The following NOD1 variants were observed in gnomAD, a reference collection of about 807,000 sequenced individuals.
NOD1 encodes the protein nucleotide binding oligomerization domain containing 1.
NOD1 carries 70 observed loss-of-function variants against 81.2 expected under a neutral mutation model. The observed-to-expected ratio is 0.86, with a 90% CI of 0.71 to 1.05. NOD1 has a LOEUF of 1.05. Ranked by LOEUF, NOD1 falls within the 50% of genes least tolerant of loss-of-function variation. NOD1 has a pLI of 0.00. For synonymous variants in NOD1, 508 were observed against 526.9 expected, an observed-to-expected ratio of 0.96 and a Z score of 0.49; for missense variants, 1,233 against 1,228.0, an observed-to-expected ratio of 1.00 and a Z score of -0.06.
chr7:30,438,946 TAAAA>T (rs1466405709), intron 9 of NOD1, among the ~76,000 whole-genome samples: 1 of 152,176 alleles, frequency 6.6e-6, no homozygotes, highest in East Asian at 1.9e-4. Context: ...AGTTTCCAAA[TAAAA>T]TTACCTGTGT....
At chr7:30,431,287 T>G (rs775098951) in intron 12 of NOD1, among the ~76,000 whole-genome samples, 4 of 152,206 alleles carry the variant, frequency 2.6e-5, no homozygotes, top group Non-Finnish European at 4.4e-5. Context: ...AGTCTAGTCT[T>G]TTTGCAGAAA....
intron 6 of NOD1, among the ~76,000 whole-genome samples, chr7:30,449,656 C>T (rs956800462): frequency 2.6e-5 from 4 of 152,186 alleles, no homozygotes; most frequent in African/African-American, 7.2e-5. Flanking sequence ...CCTGAACTAC[C>T]TACCTCTAGA....
At chr7:30,473,575 C>T (rs1788486554) in intron 1 of NOD1, among the ~76,000 whole-genome samples, 1 of 152,094 alleles carries the variant, frequency 6.6e-6, no homozygotes, top group South Asian at 2.1e-4. Flanking sequence ...TTGATATTAA[C>T]CAGCCTAAGC....
chr7:30,453,246 G>A lies in NOD1; in HGVS notation c.377-206C>T, dbSNP rs922196384. Among the ~76,000 whole-genome samples the A allele has an allele frequency of 1.4e-4, 22 of 152,110 alleles. 1 individual carries two copies. The highest frequency in any genetic ancestry group is 4.4e-5 in the Non-Finnish European group (3 of 68,020). On this transcript the variant is annotated intron_variant, in intron 5 of 13. Transcript: ENST00000222823. ...CCTGACCCTGAGGGCCCCAGGCTTT[G>A]ATCTCTCTGCTTGACCTCAGATTTG...
intron 1 of NOD1, chr7:30,469,036 C>A: frequency 1.0e-6 from 1 of 985,452 alleles, no homozygotes; most frequent in Non-Finnish European, 1.2e-6. Flanking sequence ...CAGAGCTGCA[C>A]GGAGAACACA....
chr7:30,453,627 C>T (rs1786033870), intron 5 of NOD1, among the ~76,000 whole-genome samples: 1 of 152,122 alleles, frequency 6.6e-6, no homozygotes, highest in South Asian at 2.1e-4. Flanking sequence ...GCCATGTTGC[C>T]CAGGCTGGTC....
chr7:30,429,478 G>A, intron 12 of NOD1, 21 bp from the exon 13 acceptor site: 2 of 1,606,198 alleles, frequency 1.2e-6, no homozygotes, highest in Non-Finnish European at 1.7e-6. Context: ...AACATAACTT[G>A]TATAAAATCC....
At chr7:30,463,737 C>T (rs1202903657) in intron 1 of NOD1, 2 of 152,174 alleles carry the variant, frequency 1.3e-5, no homozygotes, top group Non-Finnish European at 2.9e-5. Context: ...TAAAGATGTT[C>T]TCCACATGTA....
In NOD1 at chr7:30,452,351, G is replaced by A. The variant is rs757842105; in HGVS notation, c.1066C>T (p.His356Tyr). The A allele has an allele frequency of 1.1e-5, 18 of 1,613,250 alleles. No individual in the cohort carries two copies. The East Asian group carries it at 3.3e-4, about 30-fold the overall frequency. ...ATCCTCCTGGCATAGGCGCGCAGGT[G>A]GCTGGGGGAGAAGCCCCGGAGAAGC... ...KVLLRGFSPSHLRAYARRMFP... is the reference protein window; with the variant it reads ...KVLLRGFSPSYLRAYARRMFP... The change falls in exon 6 of 14, where the codon CAC becomes TAC. Residue 356 changes from histidine to tyrosine, a missense_variant. By Grantham distance (83) the His-to-Tyr change is moderately conservative (BLOSUM62 2). Coordinates refer to ENST00000222823, the MANE Select transcript of NOD1 (RefSeq NM_006092.4).
rs7792535 is a variant in NOD1 at position 30,439,366 on chromosome 7, C to G, written c.2454-1710G>C. ...GTACCGGGTTCATCTCACTAGGGAGCGCCAGACAGTGGGCGCAGGCCAGTG... is the reference window on the plus strand; with the variant it reads ...GTACCGGGTTCATCTCACTAGGGAGGGCCAGACAGTGGGCGCAGGCCAGTG... On this transcript the variant is annotated intron_variant, in intron 9 of 13. Transcript: ENST00000222823. 4.8e-4 allele frequency among the ~76,000 whole-genome samples: 64 copies of G among 133,500 alleles called. 3 individuals carry two copies. The Middle Eastern group carries it at 0.019, about 39-fold the overall frequency. 87.6% of individuals were successfully genotyped at this position (133,500 alleles called of 152,430 possible).
chr7:30,467,938 G>A lies in NOD1; in HGVS notation c.-351-7897C>T, dbSNP rs1439751902. On this transcript the variant is annotated intron_variant, in intron 1 of 13. Coordinates refer to ENST00000222823, the MANE Select transcript of NOD1 (RefSeq NM_006092.4). The surrounding 1 kb of genome is among the most constrained non-coding windows in gnomAD (Gnocchi z 4.5). ...GCTGGTCTTGAACTCCTGACCTCAG[G>A]TGATCCACCTGCCTCGACCTCCCAA... Among the ~76,000 whole-genome samples, 1 of 152,108 alleles carries A rather than the reference G, an allele frequency of 6.6e-6. No homozygotes were observed. Among genetic ancestry groups the A allele is most frequent in the African/African-American group, 2.4e-5 (1 of 41,418 alleles).
chr7:30,457,020 G>A lies in NOD1; in HGVS notation c.-99C>T. ...CAGGATTCAGGCCGCGCCCTCCAGG[G>A]CCCCTGCTACTCTGCGCAGCCCCTG... On this transcript the variant is annotated 5_prime_UTR_variant, in exon 4 of 14. Transcript: ENST00000222823. The A allele has an allele frequency of 1.1e-6, 1 of 952,138 alleles. No homozygotes were observed. Among genetic ancestry groups the A allele is most frequent in the South Asian group, 1.4e-5 (1 of 72,230 alleles). The allele number at this position is 952,138 out of a possible 1,614,324, so 59.0% of individuals were successfully genotyped here.
rs1785734000 is a variant in NOD1 at position 30,451,706 on chromosome 7, TG to T, written c.1710del (p.Ser571ValfsTer43). ...PPFLPFQCLQ[G>X]SGPAREDLFK... The stretch of plus-strand genomic sequence containing the variant: ...AAGAGGTCTTCCCGCGCCGGACCAC[TG>T]CCCTGCAGGCACTGGAACGGGAGGA... On this transcript the variant is annotated frameshift_variant, in exon 6 of 14. Transcript: ENST00000222823. LOFTEE classifies it high-confidence loss of function. The surrounding 1 kb of genome is among the most constrained non-coding windows in gnomAD (Gnocchi z 4.2). 1.9e-6 allele frequency: 3 copies of T among 1,613,662 alleles called. No homozygotes were observed. Among genetic ancestry groups the T allele is most frequent in the African/African-American group, 2.7e-5 (2 of 74,934 alleles).
rs1335099752 is a variant in NOD1 at position 30,437,592 on chromosome 7, G to C, written c.2518C>G (p.Pro840Ala). Residue 840 changes from proline to alanine, a missense_variant, in exon 10 of 14, where the codon CCC becomes GCC. By Grantham distance (27) the Pro-to-Ala change is conservative. Coordinates refer to ENST00000222823, the MANE Select transcript of NOD1 (RefSeq NM_006092.4). ...AGTTACCTCAGGGTGGTCAAGCTGG[G>C]GTGGTTCCGCAGAGCCTCTGCGAAG... ...KAFAEALRNH[P>A]SLTTLSLASN... 1 of 1,508,438 alleles carries C rather than the reference G, an allele frequency of 6.6e-7. No individual in the cohort carries two copies. Among genetic ancestry groups the C allele is most frequent in the Non-Finnish European group, 8.8e-7 (1 of 1,141,036 alleles). The allele number at this position is 1,508,438 out of a possible 1,614,324, so 93.4% of individuals were successfully genotyped here. A position where few individuals can be genotyped will look rare whatever the true frequency, so the allele number is the denominator to read the frequency against.
intron 5 of NOD1, among the ~76,000 whole-genome samples, chr7:30,453,968 C>T (rs533200046): frequency 1.3e-5 from 2 of 152,312 alleles, no homozygotes; most frequent in South Asian, 2.1e-4. Flanking sequence ...AGCTGGCTAA[C>T]GGAACCAACA....
chr7:30,469,075 A>G (rs1233822259), intron 1 of NOD1: 1 of 985,278 alleles, frequency 1.0e-6, no homozygotes, highest in Non-Finnish European at 1.2e-6. Flanking sequence ...ATGGTGTCCT[A>G]CTTTTCCTGC....
chr7:30,457,283 T>C (rs1786481723), intron 3 of NOD1, among the ~76,000 whole-genome samples: 1 of 151,928 alleles, frequency 6.6e-6, no homozygotes, highest in South Asian at 2.1e-4. Context: ...GAGACACCCA[T>C]CTCTACAAAA....
intron 1 of NOD1, among the ~76,000 whole-genome samples, chr7:30,463,111 G>C (rs781363614): frequency 6.6e-6 from 1 of 152,040 alleles, no homozygotes; most frequent in Non-Finnish European, 1.5e-5. Flanking sequence ...TCTGTGTCTT[G>C]ATTGCATGCT....
At position 30,451,590 on chromosome 7, in the gene NOD1, G is replaced by C; in HGVS notation, c.1827C>G (p.Pro609=). ...AKQKLLRHLV[P]AAALRRKRKA... ...TGCGCTTTCTCCTCAGGGCTGCCGC[G>C]GGCACCAGATGCCGCAGGAGTTTCT... The change falls in exon 6 of 14, where the codon CCC becomes CCG. Residue 609 remains proline, a synonymous_variant. Coordinates refer to ENST00000222823, the MANE Select transcript of NOD1 (RefSeq NM_006092.4). The surrounding 1 kb of genome is among the most constrained non-coding windows in gnomAD (Gnocchi z 4.2). 2 of 1,613,714 alleles carry C rather than the reference G, an allele frequency of 1.2e-6. No homozygotes were observed. The highest frequency in any genetic ancestry group is 2.2e-5 in the South Asian group (2 of 91,080).
Sources: gnomAD v4.1 joint callset for allele counts (sites outside exome capture counted in the v4.1 genomes callset) on GRCh38, gnomAD v4.1.1 for gene constraint, Gnocchi (gnomAD v3.1) non-coding constraint, MANE v1.5 for transcripts, NCBI Gene and HGNC (gene_info 2026-07-23, HGNC 2026-07-21) for gene names.